The following ANO2 variants were observed in gnomAD, a reference collection of about 807,000 sequenced individuals.
ANO2 encodes the protein anoctamin 2.
A neutral mutation model predicts 124.2 loss-of-function variants in ANO2; 101 were observed. That is an observed-to-expected ratio of 0.81 (90% confidence interval 0.69 to 0.96). The LOEUF (loss-of-function observed/expected upper bound fraction) is 0.96. ANO2 is among the 40% of genes least tolerant of loss of function. The pLI is 0.00. For missense variants in ANO2, 1,293 were observed against 1,274.5 expected (o/e 1.01, Z -0.22); for synonymous variants, 486 against 482.5 (o/e 1.01, Z -0.09).
At chr12:5,631,335 C>T (rs1261117429) in intron 16 of ANO2, among the ~76,000 whole-genome samples, 1 of 152,168 alleles carries the variant, frequency 6.6e-6, no homozygotes, top group African/African-American at 2.4e-5. Flanking sequence ...TCCCTCCTGC[C>T]ATCTGGGTCT....
intron 14 of ANO2, among the ~76,000 whole-genome samples, chr12:5,676,677 A>G (rs1948259491): frequency 6.6e-6 from 1 of 152,152 alleles, no homozygotes; most frequent in Admixed American, 6.5e-5. Context: ...AATGCCCCTC[A>G]TCCTAAGTTT....
intron 1 of ANO2, among the ~76,000 whole-genome samples, chr12:5,931,611 A>C (rs1942391775): frequency 7.9e-6 from 1 of 126,816 alleles, no homozygotes; most frequent in Non-Finnish European, 1.7e-5. Context: ...TAAGGAAGGA[A>C]GACTGGTAAG....
chr12:5,649,704 G>A (rs528852264), intron 14 of ANO2, among the ~76,000 whole-genome samples: 20 of 152,058 alleles, frequency 1.3e-4, no homozygotes, highest in South Asian at 4.1e-4. Context: ...TCCCAGGTTC[G>A]AGTGATTCTC....
At chr12:5,610,983 T>TTTTTTTTTTCTTTTTTTTTTTTTTTTTTG (rs1555100751) in intron 19 of ANO2, among the ~76,000 whole-genome samples, 1 of 121,658 alleles carries the variant, frequency 8.2e-6, no homozygotes, top group Non-Finnish European at 1.8e-5. Flanking sequence ...TTTTTTTTTT[T>TTTTTTTTTTCTTTTTTTTTTTTTTTTTTG]TTTTTTGAGA....
chr12:5,874,964 AT>A (rs931903100), intron 3 of ANO2, among the ~76,000 whole-genome samples: 2 of 152,166 alleles, frequency 1.3e-5, no homozygotes, highest in African/African-American at 4.8e-5. Flanking sequence ...TTCTGGTAAA[AT>A]TTTATTTACA....
intron 3 of ANO2, among the ~76,000 whole-genome samples, chr12:5,915,582 G>A (rs1941331637): frequency 6.6e-6 from 1 of 152,178 alleles, no homozygotes; most frequent in Admixed American, 6.5e-5. Context: ...AATGAACCCA[G>A]AGCCTAAAAG....
At chr12:5,573,475 G>C (rs61424495) in intron 23 of ANO2, among the ~76,000 whole-genome samples, 33 of 152,290 alleles carry the variant, frequency 2.2e-4, no homozygotes, top group African/African-American at 7.2e-4. Context: ...GTGAGCTTTA[G>C]ACCCTGCTTT....
At chr12:5,661,629 C>T (rs975024595) in intron 14 of ANO2, among the ~76,000 whole-genome samples, 6 of 152,074 alleles carry the variant, frequency 3.9e-5, no homozygotes, top group Non-Finnish European at 5.9e-5. Context: ...CTGTGACAGG[C>T]AGAGGCTGGG....
At position 5,862,359 on chromosome 12, in the gene ANO2, C is replaced by T. The variant is rs1955295758; in HGVS notation, c.535-8218G>A. Among the ~76,000 whole-genome samples, 1 of 152,176 alleles carries T rather than the reference C, an allele frequency of 6.6e-6. No homozygotes were observed. The highest frequency in any genetic ancestry group is 6.5e-5 in the Admixed American group (1 of 15,292). ...GGAAAAGACTTCACCTGGTTCCCAA[C>T]CAACGACCAGGGACAACCCAGGGTC... On this transcript the variant is annotated intron_variant, in intron 3 of 24. Coordinates refer to ENST00000682330, the MANE Select transcript of ANO2 (RefSeq NM_001364791.2). This position sits in a 1 kb window ranked among gnomAD's most constrained non-coding sequence, Gnocchi z 4.0.
intron 11 of ANO2, among the ~76,000 whole-genome samples, chr12:5,746,158 C>T (rs1395996608): frequency 6.6e-6 from 1 of 152,120 alleles, no homozygotes; most frequent in Admixed American, 6.5e-5. Context: ...TCAACTGAAT[C>T]CTAGTTGGAA....
intron 15 of ANO2, among the ~76,000 whole-genome samples, chr12:5,646,962 T>C (rs1946669230): frequency 6.6e-6 from 1 of 152,210 alleles, no homozygotes; most frequent in Non-Finnish European, 1.5e-5. Context: ...GTGATCCCTC[T>C]TCCACCCTGC....
intron 3 of ANO2, among the ~76,000 whole-genome samples, chr12:5,875,702 T>C (rs543077336): frequency 2.5e-4 from 38 of 152,284 alleles, no homozygotes; most frequent in Non-Finnish European, 2.9e-4. Context: ...TTAAGTGCAA[T>C]GATCTCCAGT....
intron 4 of ANO2, among the ~76,000 whole-genome samples, chr12:5,850,745 C>T (rs1337459925): frequency 6.6e-6 from 1 of 152,196 alleles, no homozygotes; most frequent in African/African-American, 2.4e-5. Flanking sequence ...TTTCTGCTCC[C>T]TCAGTGCCTC....
intron 4 of ANO2, among the ~76,000 whole-genome samples, chr12:5,851,023 C>A (rs564682773): frequency 6.9e-6 from 1 of 143,928 alleles, no homozygotes; most frequent in South Asian, 2.1e-4. Context: ...CCAAACCACA[C>A]AACGAATAAC....
chr12:5,790,672 G>A (rs1052098067), intron 10 of ANO2, among the ~76,000 whole-genome samples: 6 of 152,178 alleles, frequency 3.9e-5, no homozygotes, highest in African/African-American at 1.4e-4. Flanking sequence ...AAAGCTTTGT[G>A]CATTAGTTAC....
At chr12:5,884,434 A>G (rs1194902948) in intron 3 of ANO2, among the ~76,000 whole-genome samples, 1 of 152,166 alleles carries the variant, frequency 6.6e-6, no homozygotes, top group Non-Finnish European at 1.5e-5. Context: ...ATACCTGCAA[A>G]TCACTCCTGA....
At chr12:5,631,523 G>C (rs1035922957) in intron 16 of ANO2, among the ~76,000 whole-genome samples, 1 of 152,198 alleles carries the variant, frequency 6.6e-6, no homozygotes, top group Admixed American at 6.5e-5. Context: ...CTTGTCGCTT[G>C]TCTTTGCTGT....
At chr12:5,571,504 C>A (rs1488738698) in intron 23 of ANO2, among the ~76,000 whole-genome samples, 6 of 152,204 alleles carry the variant, frequency 3.9e-5, no homozygotes, top group African/African-American at 1.4e-4. Context: ...CCACATTTAT[C>A]TCCAGAGGTC....
intron 14 of ANO2, among the ~76,000 whole-genome samples, chr12:5,666,197 C>G (rs1001871639): frequency 3.3e-5 from 5 of 152,160 alleles, no homozygotes; most frequent in African/African-American, 1.2e-4. Flanking sequence ...GAAGAGAAAC[C>G]TACCTCACTG....
Sources: gnomAD v4.1 joint callset for allele counts (sites outside exome capture counted in the v4.1 genomes callset) on GRCh38, gnomAD v4.1.1 for gene constraint, Gnocchi (gnomAD v3.1) non-coding constraint, MANE v1.5 for transcripts, NCBI Gene and HGNC (gene_info 2026-07-23, HGNC 2026-07-21) for gene names.